Variants in ATXN3 observed in about 807,000 individuals in gnomAD.
ATXN3 encodes ataxin 3.
In ATXN3, 28 loss-of-function variants were observed where a neutral mutation model predicts 58.2. The observed-to-expected ratio is 0.48, with a 90% CI of 0.36 to 0.66. ATXN3 has a LOEUF of 0.66. Ranked by LOEUF, ATXN3 falls within the 30% of genes least tolerant of loss-of-function variation. ATXN3 has a pLI of 0.00. For synonymous variants in ATXN3, 113 were observed against 138.5 expected, an observed-to-expected ratio of 0.82 and a Z score of 1.29; for missense variants, 321 against 422.1, an observed-to-expected ratio of 0.76 and a Z score of 2.10.
rs4904834 is a variant in ATXN3 at position 92,093,334 on chromosome 14, G to C, written c.321-16C>G. 0.39 allele frequency: 475,369 copies of C among 1,227,610 alleles called. 97,125 individuals carry two copies. The highest frequency in any genetic ancestry group is 0.64 in the African/African-American group (41,526 of 65,284). The allele number at this position is 1,227,610 out of a possible 1,614,324, so 76.0% of individuals were successfully genotyped here. ...TCTTTCATTTCTAAAAAAGAAAACA[G>C]ACAATATTAACTTGAAATATTGAAT... On this transcript the variant is annotated splice_polypyrimidine_tract_variant and intron_variant, in intron 4 of 10. Coordinates refer to ENST00000644486, the MANE Select transcript of ATXN3 (RefSeq NM_004993.6).
chr14:92,083,002 A>G (rs944062220), intron 7 of ATXN3, 124 bp downstream of exon 7: 13 of 1,213,850 alleles, frequency 1.1e-5, no homozygotes, highest in East Asian at 4.8e-5. Flanking sequence ...AAACTTCACT[A>G]AAATATAAGG....
chr14:92,098,584 T>C (rs2141206185), intron 1 of ATXN3, among the ~76,000 whole-genome samples: 1 of 152,058 alleles, frequency 6.6e-6, no homozygotes, highest in South Asian at 2.1e-4. Context: ...CAAGACTCTG[T>C]CTCCAAAAAT....
In ATXN3 at chr14:92,069,519, C is replaced by T. The variant is rs138669304; in HGVS notation, c.991+1416G>A. ...CTCCTGAATAGCTGGACTACAGGTG[C>T]CTGCCATCACGCCTGGCTAATTTTT... On this transcript the variant is annotated intron_variant, in intron 10 of 10. Coordinates refer to ENST00000644486, the MANE Select transcript of ATXN3 (RefSeq NM_004993.6). 6.3e-3 allele frequency among the ~76,000 whole-genome samples: 958 copies of T among 151,932 alleles called. 13 individuals are homozygous for T. Among genetic ancestry groups the T allele is most frequent in the African/African-American group, 0.021 (886 of 41,388 alleles).
intron 3 of ATXN3, among the ~76,000 whole-genome samples, chr14:92,095,804 T>G (rs1595930115): frequency 6.6e-6 from 1 of 151,720 alleles, no homozygotes; most frequent in South Asian, 2.1e-4. Flanking sequence ...TTAACTGGTG[T>G]GGTGGCGGGT....
intron 5 of ATXN3, among the ~76,000 whole-genome samples, chr14:92,091,328 G>A (rs1355216725): frequency 6.6e-6 from 1 of 152,092 alleles, no homozygotes; most frequent in Non-Finnish European, 1.5e-5. Context: ...GTGCGTGGCT[G>A]TAGACACAGC....
intron 9 of ATXN3, chr14:92,077,453 T>C (rs1254772410): frequency 6.6e-6 from 1 of 151,602 alleles, no homozygotes; most frequent in Non-Finnish European, 1.5e-5. Context: ...TTCATGCCAT[T>C]CTCCTGCCTC....
At chr14:92,086,466 G>C (rs2062561597) in intron 6 of ATXN3, among the ~76,000 whole-genome samples, 2 of 151,352 alleles carry the variant, frequency 1.3e-5, no homozygotes, top group Non-Finnish European at 2.9e-5. Context: ...TCGGGAGGCT[G>C]AGGCAAGAAA....
At chr14:92,069,371 CT>C (rs34755730) in intron 10 of ATXN3, among the ~76,000 whole-genome samples, 128 of 92,562 alleles carry the variant, frequency 1.4e-3, no homozygotes, top group Admixed American at 4.5e-3. Flanking sequence ...GTGTCCAGCC[CT>C]TTTTTTTTTT....
Position 92,061,584 on chromosome 14 carries a change from T to C in ATXN3, c.*2736A>G, listed in dbSNP as rs1351122412. On this transcript the variant is annotated 3_prime_UTR_variant, in exon 11 of 11. Transcript: ENST00000644486. ...AAAAATGATACCAATAGTTTAAATATTAAACATTAAGATGTTCCCAATTAG... is the reference window on the plus strand; with the variant it reads ...AAAAATGATACCAATAGTTTAAATACTAAACATTAAGATGTTCCCAATTAG... 6.6e-6 allele frequency: 1 copy of C among 152,188 alleles called. No individual in the cohort carries two copies. Among genetic ancestry groups the C allele is most frequent in the African/African-American group, 2.4e-5 (1 of 41,454 alleles). 9.4% of individuals were successfully genotyped at this position (152,188 alleles called of 1,614,324 possible).
intron 5 of ATXN3, among the ~76,000 whole-genome samples, chr14:92,089,756 ATCT>A (rs1157752635): frequency 6.6e-6 from 1 of 152,226 alleles, no homozygotes; most frequent in African/African-American, 2.4e-5. Flanking sequence ...CTATAATTAA[ATCT>A]TTTTTCAAAA....
chr14:92,087,706 G>A (rs561910395), intron 6 of ATXN3, among the ~76,000 whole-genome samples: 1 of 152,274 alleles, frequency 6.6e-6, no homozygotes, highest in East Asian at 1.9e-4. Context: ...AAGAAAGGAA[G>A]AATGCGTATA....
At chr14:92,071,551 C>T (rs1044880948) in intron 9 of ATXN3, 15 of 320,366 alleles carry the variant, frequency 4.7e-5, no homozygotes, top group African/African-American at 2.8e-4. Context: ...GAGCCAAGAT[C>T]GCGCCACTGC....
In ATXN3 at chr14:92,061,020, C is replaced by T. The variant is rs2140193720; in HGVS notation, c.*3300G>A. On this transcript the variant is annotated 3_prime_UTR_variant, in exon 11 of 11. Coordinates refer to ENST00000644486, the MANE Select transcript of ATXN3 (RefSeq NM_004993.6). ...ATGCTGGGATTACAGGCGTGAGCTACCACGCCCAGCCGCCACTAGCATGAT... is the reference window on the plus strand; with the variant it reads ...ATGCTGGGATTACAGGCGTGAGCTATCACGCCCAGCCGCCACTAGCATGAT... The T allele has an allele frequency of 6.6e-6, 1 of 152,222 alleles. No individual in the cohort carries two copies. The highest frequency in any genetic ancestry group is 2.4e-5 in the African/African-American group (1 of 41,544). 9.4% of individuals were successfully genotyped at this position (152,222 alleles called of 1,614,324 possible).
chr14:92,084,314 G>A (rs8014854), intron 6 of ATXN3, among the ~76,000 whole-genome samples: 54,489 of 151,782 alleles, frequency 0.36, 9,853 homozygotes, highest in East Asian at 0.47. Context: ...AATCATCTGC[G>A]GAAAGAGCTA....
intron 1 of ATXN3, among the ~76,000 whole-genome samples, chr14:92,103,251 A>T (rs529666926): frequency 6.6e-6 from 1 of 152,336 alleles, no homozygotes; most frequent in Non-Finnish European, 1.5e-5. Context: ...AACCTGCCCC[A>T]GTAGCTAAGA....
chr14:92,102,977 G>T (rs900546665), intron 1 of ATXN3, among the ~76,000 whole-genome samples: 7 of 152,096 alleles, frequency 4.6e-5, no homozygotes, highest in Non-Finnish European at 8.8e-5. Context: ...TCAATGCTCA[G>T]CATCTTTTCA....
Position 92,106,404 on chromosome 14 carries a change from C to T in ATXN3, c.24+125G>A, listed in dbSNP as rs1166941248. On this transcript the variant is annotated intron_variant, in intron 1 of 10. Coordinates refer to ENST00000644486, the MANE Select transcript of ATXN3 (RefSeq NM_004993.6). ...GGAGGCGGGAGGCTGCGGCGTCGCC[C>T]CTCGCCGGGCGAGATCGGCATGGGG... The T allele has an allele frequency of 2.3e-6, 3 of 1,276,824 alleles. No homozygotes were observed. The Middle Eastern group carries it at 5.7e-4, about 241-fold the overall frequency. 79.1% of individuals were successfully genotyped at this position (1,276,824 alleles called of 1,614,324 possible).
chr14:92,053,489 TTTC>T (rs1038903630), upstream of ATXN3, among the ~76,000 whole-genome samples: 2 of 150,064 alleles, frequency 1.3e-5, no homozygotes, highest in African/African-American at 4.9e-5. Context: ...TTTTTCTTTC[TTTC>T]TTTTTTTTTT....
Position 92,071,026 on chromosome 14 carries a change from C to CTGA in ATXN3, c.899_900insTCA (p.Gln299_Gln300insHis). 6.2e-7 allele frequency: 1 copy of CTGA among 1,610,114 alleles called. No individual in the cohort carries two copies. The highest frequency in any genetic ancestry group is 8.5e-7 in the Non-Finnish European group (1 of 1,178,938). ...ATAGGTCCCCCTGCTGCTGCTGCTGCTGCTGCTGTTGCTGCTTTTGCTGCT... is the reference window on the plus strand; with the variant it reads ...ATAGGTCCCCCTGCTGCTGCTGCTGCTGATGCTGCTGTTGCTGCTTTTGCTGCT... On this transcript the variant is annotated inframe_insertion, in exon 10 of 11. Transcript: ENST00000644486.
Sources: gnomAD v4.1 joint callset for allele counts (sites outside exome capture counted in the v4.1 genomes callset) on GRCh38, gnomAD v4.1.1 for gene constraint, MANE v1.5 for transcripts, NCBI Gene and HGNC (gene_info 2026-07-23, HGNC 2026-07-21) for gene names.